The following MEOX2 variants were observed in gnomAD, a reference collection of about 807,000 sequenced individuals.
MEOX2 encodes mesenchyme homeobox 2, also known as homeobox protein MOX-2.
MEOX2 carries 11 observed loss-of-function variants against 27.0 expected under a neutral mutation model. The observed-to-expected ratio is 0.41, with a 90% confidence interval of 0.26 to 0.68. The LOEUF (loss-of-function observed/expected upper bound fraction) is 0.68, where lower values mean the gene tolerates loss of function less well. MEOX2 is among the 30% of genes least tolerant of loss of function. The pLI, the probability that MEOX2 is intolerant of heterozygous loss-of-function variation, is 0.33. For synonymous variants in MEOX2, 189 were observed against 155.4 expected (o/e 1.22, Z -1.61); for missense variants, 436 against 385.4 (o/e 1.13, Z -1.10).
intron 2 of MEOX2, among the ~76,000 whole-genome samples, chr7:15,617,421 A>C (rs1208839549): frequency 6.6e-6 from 1 of 152,056 alleles, no homozygotes; most frequent in Admixed American, 6.6e-5. Flanking sequence ...TAGTAAATCC[A>C]AAGACTAGCC....
At chr7:15,613,648 C>G (rs1206979063) in intron 2 of MEOX2, among the ~76,000 whole-genome samples, 2 of 152,028 alleles carry the variant, frequency 1.3e-5, no homozygotes, top group Non-Finnish European at 2.9e-5. Flanking sequence ...TTTTTCATAA[C>G]AAGTAATATT....
chr7:15,627,534 C>T (rs940376367), intron 1 of MEOX2, among the ~76,000 whole-genome samples: 46 of 151,922 alleles, frequency 3.0e-4, no homozygotes, highest in African/African-American at 1.0e-3. Context: ...GTTCATATGA[C>T]TTAAACTATG....
At chr7:15,640,239 G>A (rs201681994) in intron 1 of MEOX2, among the ~76,000 whole-genome samples, 1 of 149,352 alleles carries the variant, frequency 6.7e-6, no homozygotes, top group Non-Finnish European at 1.5e-5. Flanking sequence ...CTGTTTGGGG[G>A]TTGTGTGTGT....
chr7:15,647,270 G>A (rs1781665936), intron 1 of MEOX2, among the ~76,000 whole-genome samples: 1 of 152,034 alleles, frequency 6.6e-6, no homozygotes, highest in Non-Finnish European at 1.5e-5. Flanking sequence ...AGTGTTGGAA[G>A]AACATCACAA....
At chr7:15,642,690 A>T (rs1170593060) in intron 1 of MEOX2, among the ~76,000 whole-genome samples, 2 of 152,138 alleles carry the variant, frequency 1.3e-5, no homozygotes, top group African/African-American at 4.8e-5. Context: ...CTGTTTCTTC[A>T]TGGTGCTAGA....
chr7:15,645,893 G>C (rs1781639326), intron 1 of MEOX2, among the ~76,000 whole-genome samples: 2 of 152,156 alleles, frequency 1.3e-5, no homozygotes, highest in African/African-American at 4.8e-5. Flanking sequence ...ATATGTGTAT[G>C]TCCTTGTGGC....
Position 15,612,253 on chromosome 7 carries a change from AC to A in MEOX2, c.*133del. ...GTAAACCCTCTATAAATCATGAAAAACAGATTCGAAATGCCTGGATTTAATA... is the reference window on the plus strand; with the variant it reads ...GTAAACCCTCTATAAATCATGAAAAAAGATTCGAAATGCCTGGATTTAATA... On this transcript the variant is annotated 3_prime_UTR_variant, in exon 3 of 3. Coordinates refer to ENST00000262041, the MANE Select transcript of MEOX2 (RefSeq NM_005924.5). The A allele has an allele frequency of 2.7e-6, 2 of 734,958 alleles. No individual in the cohort carries two copies. Among genetic ancestry groups the A allele is most frequent in the Non-Finnish European group, 4.5e-6 (2 of 445,728 alleles). 45.5% of individuals were successfully genotyped at this position (734,958 alleles called of 1,614,324 possible). A position where few individuals can be genotyped will look rare whatever the true frequency, so the allele number is the denominator to read the frequency against.
At chr7:15,652,544 T>A (rs758431371) in intron 1 of MEOX2, among the ~76,000 whole-genome samples, 54 of 151,982 alleles carry the variant, frequency 3.6e-4, no homozygotes, top group Non-Finnish European at 6.6e-4. Context: ...AGTAAACATA[T>A]AAATAAATAA....
intron 1 of MEOX2, among the ~76,000 whole-genome samples, chr7:15,663,408 C>A (rs1455613349): frequency 6.6e-6 from 1 of 151,746 alleles, no homozygotes; most frequent in Non-Finnish European, 1.5e-5. Flanking sequence ...TCTCAGCTCA[C>A]TGAAACCTCC....
chr7:15,664,371 T>G (rs974227112), intron 1 of MEOX2, among the ~76,000 whole-genome samples: 3 of 152,172 alleles, frequency 2.0e-5, no homozygotes, highest in Non-Finnish European at 2.9e-5. Flanking sequence ...CCTATTAAAT[T>G]GCTAGTGAGA....
chr7:15,620,441 T>C (rs553926128), intron 2 of MEOX2, among the ~76,000 whole-genome samples: 15 of 152,142 alleles, frequency 9.9e-5, no homozygotes, highest in African/African-American at 3.6e-4. Flanking sequence ...GGTAGCGGGC[T>C]CCTGTAGTCC....
intron 2 of MEOX2, among the ~76,000 whole-genome samples, chr7:15,624,623 C>A (rs531591683): frequency 2.0e-5 from 3 of 152,246 alleles, no homozygotes; most frequent in Admixed American, 6.5e-5. Context: ...TGAGGCCCAA[C>A]CATCTCTTTC....
At chr7:15,674,556 CTGTGTG>C (rs55995772) in intron 1 of MEOX2, among the ~76,000 whole-genome samples, 2 of 135,558 alleles carry the variant, frequency 1.5e-5, no homozygotes, top group African/African-American at 3.2e-5. Flanking sequence ...ATAAAAGATT[CTGTGTG>C]TGTGTGTGTG....
At chr7:15,666,704 A>G (rs1307628785) in intron 1 of MEOX2, among the ~76,000 whole-genome samples, 1 of 137,696 alleles carries the variant, frequency 7.3e-6, no homozygotes, top group East Asian at 2.2e-4. Flanking sequence ...GTGAGCCGAG[A>G]TCGTGCCACT....
rs1002339247 is a variant in MEOX2, at chr7:15,611,767, G to C, written c.*620C>G. The C allele has an allele frequency of 4.6e-5, 7 of 153,162 alleles. No individual in the cohort carries two copies. Among genetic ancestry groups the C allele is most frequent in the African/African-American group, 1.7e-4 (7 of 41,454 alleles). The allele number at this position is 153,162 out of a possible 1,614,324, so 9.5% of individuals were successfully genotyped here. On this transcript the variant is annotated 3_prime_UTR_variant, in exon 3 of 3. Coordinates refer to ENST00000262041, the MANE Select transcript of MEOX2 (RefSeq NM_005924.5). Reference sequence around the variant, plus strand: ...AGAAACTGGCTCTGGTTGTCATTGTGAGTGCCTATTTTCATCAGCTAATAT... The same window carrying C: ...AGAAACTGGCTCTGGTTGTCATTGTCAGTGCCTATTTTCATCAGCTAATAT...
chr7:15,631,851 A>T lies in MEOX2; in HGVS notation c.518-4933T>A, dbSNP rs532321528. ...TAATTTTTGGAAATATCATAAATTT[A>T]TCACAGGCTATAAAATTTTACCAAA... On this transcript the variant is annotated intron_variant, in intron 1 of 2. Coordinates refer to ENST00000262041, the MANE Select transcript of MEOX2 (RefSeq NM_005924.5). Among the ~76,000 whole-genome samples the T allele has an allele frequency of 1.3e-4, 20 of 151,140 alleles. 1 individual carries two copies. The highest frequency in any genetic ancestry group is 3.9e-4 in the African/African-American group (16 of 41,264).
At chr7:15,672,014 AC>A (rs1470860313) in intron 1 of MEOX2, among the ~76,000 whole-genome samples, 1 of 151,946 alleles carries the variant, frequency 6.6e-6, no homozygotes, top group African/African-American at 2.4e-5. Flanking sequence ...AATCACTTGA[AC>A]CCAGGAGGCG....
intron 1 of MEOX2, among the ~76,000 whole-genome samples, chr7:15,684,103 T>A (rs1782337986): frequency 6.6e-6 from 1 of 152,184 alleles, no homozygotes; most frequent in Non-Finnish European, 1.5e-5. Flanking sequence ...CATGTGCTTG[T>A]ATGAAAATTG....
intron 1 of MEOX2, among the ~76,000 whole-genome samples, chr7:15,636,504 G>A (rs2115367496): frequency 6.6e-6 from 1 of 152,098 alleles, no homozygotes; most frequent in African/African-American, 2.4e-5. Flanking sequence ...TCTGTTACAT[G>A]ATTGTAGCTG....
Sources: gnomAD v4.1 joint callset for allele counts (sites outside exome capture counted in the v4.1 genomes callset) on GRCh38, gnomAD v4.1.1 for gene constraint, MANE v1.5 for transcripts, NCBI Gene and HGNC (gene_info 2026-07-23, HGNC 2026-07-21) for gene names.